Variants in SPTLC3 observed in about 807,000 individuals in gnomAD.
The protein encoded by SPTLC3 is serine palmitoyltransferase 3.
Under a neutral mutation model 59.3 loss-of-function variants are expected in SPTLC3, and 36 were observed. The observed-to-expected ratio is 0.61, with a 90% confidence interval of 0.47 to 0.80. The LOEUF (loss-of-function observed/expected upper bound fraction) is 0.80, where lower values mean the gene tolerates loss of function less well. SPTLC3 is among the 30% of genes least tolerant of loss of function. The pLI is 0.00. For synonymous variants in SPTLC3, 257 were observed against 240.8 expected, an observed-to-expected ratio of 1.07 and a Z score of -0.62; for missense variants, 625 against 685.1, an observed-to-expected ratio of 0.91 and a Z score of 0.98.
chr20:13,059,258 C>A (rs1166119186), intron 2 of SPTLC3, among the ~76,000 whole-genome samples: 1 of 152,160 alleles, frequency 6.6e-6, no homozygotes, highest in African/African-American at 2.4e-5. Flanking sequence ...TGGGTAAAGG[C>A]TGCTTAAACA....
At chr20:13,148,527 C>A (rs375095928) in intron 9 of SPTLC3, among the ~76,000 whole-genome samples, 5 of 152,312 alleles carry the variant, frequency 3.3e-5, no homozygotes, top group East Asian at 1.9e-4. Context: ...GGAACCTGAG[C>A]ACTCAGGAAC....
At chr20:13,029,742 T>C (rs1600215790) in intron 1 of SPTLC3, among the ~76,000 whole-genome samples, 3 of 152,182 alleles carry the variant, frequency 2.0e-5, no homozygotes, top group African/African-American at 7.2e-5. Context: ...TCCGTATATT[T>C]CAACTAAGTG....
intron 7 of SPTLC3, among the ~76,000 whole-genome samples, chr20:13,114,963 G>A (rs1600304648): frequency 1.3e-5 from 2 of 152,308 alleles, no homozygotes; most frequent in African/African-American, 4.8e-5. Flanking sequence ...TGGCTTGCTG[G>A]TTTAAGAATA....
At position 13,154,035 on chromosome 20, in the gene SPTLC3, A is replaced by T; in HGVS notation, c.1312A>T (p.Thr438Ser). 2 of 1,614,128 alleles carry T rather than the reference A, an allele frequency of 1.2e-6. No homozygotes were observed. The highest frequency in any genetic ancestry group is 1.7e-6 in the Non-Finnish European group (2 of 1,179,982). The change falls in exon 10 of 12, where the codon ACA (threonine) becomes TCA (serine). Residue 438 changes from threonine (T) to serine (S), a missense_variant. Transcript: ENST00000399002. ...GAGAGTACAGCAACTTGCGAAAAAC[A>T]CAAGATACTTCAGACAAAGACTGCA... is the stretch of plus-strand genomic sequence containing the variant. Reference protein sequence around the residue: ...LQRVQQLAKNTRYFRQRLQEM... With the variant: ...LQRVQQLAKNSRYFRQRLQEM...
chr20:13,164,658 T>C, intron 11 of SPTLC3, 96 bp from the exon 12 acceptor site: 1 of 852,176 alleles, frequency 1.2e-6, no homozygotes, highest in South Asian at 1.6e-5. Context: ...AAACTAAGAC[T>C]GTGTGTCTTT....
intron 11 of SPTLC3, among the ~76,000 whole-genome samples, chr20:13,163,229 G>A (rs1293520349): frequency 1.3e-5 from 2 of 151,824 alleles, no homozygotes; most frequent in African/African-American, 2.4e-5. Flanking sequence ...TTAGCCAGGC[G>A]TAGTAGCATG....
chr20:13,033,508 C>T (rs564374619), intron 1 of SPTLC3, among the ~76,000 whole-genome samples: 2 of 152,268 alleles, frequency 1.3e-5, no homozygotes, highest in East Asian at 3.9e-4. Context: ...AGAAGTAACA[C>T]ACTTTTCTTC....
intron 6 of SPTLC3, among the ~76,000 whole-genome samples, chr20:13,095,216 G>A (rs1237481231): frequency 6.6e-6 from 1 of 152,222 alleles, no homozygotes; most frequent in African/African-American, 2.4e-5. Flanking sequence ...GGATAAAGGG[G>A]ATAGCTAGGC....
At chr20:13,069,225 C>T (rs528779166) in intron 2 of SPTLC3, among the ~76,000 whole-genome samples, 41 of 152,040 alleles carry the variant, frequency 2.7e-4, no homozygotes, top group South Asian at 6.2e-4. Context: ...TAGGTATGAC[C>T]GAAATCACTC....
At chr20:13,027,641 GCACACACACACACACA>G (rs57913044) in intron 1 of SPTLC3, among the ~76,000 whole-genome samples, 9 of 144,140 alleles carry the variant, frequency 6.2e-5, no homozygotes, top group Non-Finnish European at 1.1e-4. Context: ...ATTTCAGCAC[GCACACACACACACACA>G]CACACACACA....
chr20:13,126,775 T>C (rs981084688), intron 9 of SPTLC3, 58 bp downstream of exon 9: 1 of 1,594,190 alleles, frequency 6.3e-7, no homozygotes, highest in Admixed American at 1.7e-5. Flanking sequence ...TTCTGCCTCA[T>C]TAATCTCCCC....
rs2122741882 is a variant in SPTLC3 at position 13,117,705 on chromosome 20, G to A, written c.1132G>A (p.Gly378Ser). 6.2e-7 allele frequency: 1 copy of A among 1,612,258 alleles called. No individual in the cohort carries two copies. The highest frequency in any genetic ancestry group is 8.5e-7 in the Non-Finnish European group (1 of 1,179,370). ...TFTKSFGASGGYIAGRKDLVD... is the reference protein window; with the variant it reads ...TFTKSFGASGSYIAGRKDLVD... ...CACCAAAAGTTTTGGAGCTTCAGGA[G>A]GTTACATAGCTGGAAGGAAGGTAAG... The change falls in exon 8 of 12, where the codon GGT (glycine) becomes AGT (serine). Residue 378 changes from glycine (G) to serine (S), a missense_variant. Coordinates refer to ENST00000399002, the MANE Select transcript of SPTLC3 (RefSeq NM_018327.4).
chr20:13,069,530 A>G (rs1231620590), intron 2 of SPTLC3, among the ~76,000 whole-genome samples: 1 of 152,160 alleles, frequency 6.6e-6, no homozygotes, highest in Non-Finnish European at 1.5e-5. Context: ...AGTTCACAAT[A>G]GGATTTGCAC....
intron 1 of SPTLC3, among the ~76,000 whole-genome samples, chr20:13,023,123 T>C (rs536727132): frequency 6.6e-6 from 1 of 152,030 alleles, no homozygotes; most frequent in East Asian, 1.9e-4. Flanking sequence ...ACCCTTCTCC[T>C]ACTTGAAGTC....
At chr20:13,033,753 T>G (rs78518491) in intron 1 of SPTLC3, among the ~76,000 whole-genome samples, 8,394 of 152,262 alleles carry the variant, frequency 0.055, 274 homozygotes, top group South Asian at 0.083. Flanking sequence ...CAGAAAATAT[T>G]TATTAAGTGA....
intron 2 of SPTLC3, among the ~76,000 whole-genome samples, chr20:13,068,010 G>A (rs1988290833): frequency 6.6e-6 from 1 of 152,102 alleles, no homozygotes; most frequent in Non-Finnish European, 1.5e-5. Flanking sequence ...TTGTAGCAGG[G>A]TTTTTTGGAA....
chr20:13,044,707 T>G (rs1490544746), intron 1 of SPTLC3, among the ~76,000 whole-genome samples: 1 of 152,216 alleles, frequency 6.6e-6, no homozygotes, highest in Non-Finnish European at 1.5e-5. Context: ...CTGCATATAC[T>G]ATCTCACTTA....
At chr20:13,033,965 A>C (rs2122443701) in intron 1 of SPTLC3, among the ~76,000 whole-genome samples, 1 of 152,210 alleles carries the variant, frequency 6.6e-6, no homozygotes, top group African/African-American at 2.4e-5. Flanking sequence ...GAAACAGAAG[A>C]AACTGAAGAA....
intron 1 of SPTLC3, among the ~76,000 whole-genome samples, chr20:13,029,840 C>A (rs1248197739): frequency 6.6e-6 from 1 of 152,066 alleles, no homozygotes; most frequent in Non-Finnish European, 1.5e-5. Flanking sequence ...AGCCACACAC[C>A]AATTCCTAAT....
Sources: gnomAD v4.1 joint callset for allele counts (sites outside exome capture counted in the v4.1 genomes callset) on GRCh38, gnomAD v4.1.1 for gene constraint, MANE v1.5 for transcripts, NCBI Gene and HGNC (gene_info 2026-07-23, HGNC 2026-07-21) for gene names.